NCAM1: variants seen among roughly 807,000 people sequenced by gnomAD.
NCAM1 encodes the protein neural cell adhesion molecule 1, also known as antigen recognized by monoclonal antibody 5.1H11.
NCAM1 carries 14 observed loss-of-function variants against 109.8 expected under a neutral mutation model. The ratio of observed to expected loss-of-function variants is 0.13; its 90% confidence interval spans 0.08 to 0.20. The LOEUF (loss-of-function observed/expected upper bound fraction) is 0.20, where lower values mean the gene tolerates loss of function less well. Ranked by LOEUF, NCAM1 falls within the 10% of genes least tolerant of loss-of-function variation. The pLI, the probability that NCAM1 is intolerant of heterozygous loss-of-function variation, is 1.00. For synonymous variants in NCAM1, 418 were observed against 442.9 expected, an observed-to-expected ratio of 0.94 and a Z score of 0.70; for missense variants, 774 against 1,109.9, an observed-to-expected ratio of 0.70 and a Z score of 4.30.
intron 8 of NCAM1, among the ~76,000 whole-genome samples, chr11:113,220,602 C>CTCTTTTTTTTTTTTT (rs1319361444): frequency 6.6e-5 from 5 of 75,584 alleles, no homozygotes; most frequent in African/African-American, 2.4e-4. Flanking sequence ...CTCTCTCTCT[C>CTCTTTTTTTTTTTTT]TTTTTTTTTT....
chr11:113,107,282 T>C (rs551806600), intron 1 of NCAM1, among the ~76,000 whole-genome samples: 9 of 152,322 alleles, frequency 5.9e-5, no homozygotes, highest in Admixed American at 5.2e-4. Flanking sequence ...GTATAGTCTC[T>C]GAAGGTTCTC....
chr11:113,275,336 G>A lies in NCAM1; in HGVS notation c.2526G>A (p.Lys842=), dbSNP rs782798294. 3 of 1,613,666 alleles carry A rather than the reference G, an allele frequency of 1.9e-6. No individual in the cohort carries two copies. In the East Asian group the frequency reaches 6.7e-5, roughly 36 times the overall value. The change falls in exon 20 of 20, where the codon AAG becomes AAA. Residue 842 remains lysine (K), a synonymous_variant. Transcript: ENST00000316851. The part of the protein sequence containing the change: ...TETKPAPAEV[K]TVPNDATQTK... Reference sequence around the variant, plus strand: ...CGAAGCCAGCGCCAGCCGAAGTCAAGACGGTCCCCAATGACGCCACACAGA... The same window carrying A: ...CGAAGCCAGCGCCAGCCGAAGTCAAAACGGTCCCCAATGACGCCACACAGA...
chr11:113,069,457 G>T (rs1591299377), intron 1 of NCAM1, among the ~76,000 whole-genome samples: 1 of 152,244 alleles, frequency 6.6e-6, no homozygotes, highest in African/African-American at 2.4e-5. Flanking sequence ...GTGACATACT[G>T]ATTAGGTTGC....
At chr11:113,199,088 A>G (rs952186826) in intron 1 of NCAM1, among the ~76,000 whole-genome samples, 2 of 152,186 alleles carry the variant, frequency 1.3e-5, no homozygotes, top group Admixed American at 6.5e-5. Flanking sequence ...ACCTAGGTTC[A>G]TAAGCACGTG....
chr11:113,115,243 C>T (rs139103714), intron 1 of NCAM1, among the ~76,000 whole-genome samples: 336 of 152,118 alleles, frequency 2.2e-3, no homozygotes, highest in African/African-American at 7.5e-3. Flanking sequence ...CATCATAAAA[C>T]GTACAAAACA....
chr11:113,118,957 T>A (rs1940827975), intron 1 of NCAM1, among the ~76,000 whole-genome samples: 1 of 151,952 alleles, frequency 6.6e-6, no homozygotes, highest in Non-Finnish European at 1.5e-5. Context: ...AAAAATGTTT[T>A]TGGAAAGAAA....
chr11:113,186,778 G>A (rs912382012), intron 1 of NCAM1, among the ~76,000 whole-genome samples: 11 of 152,216 alleles, frequency 7.2e-5, no homozygotes, highest in African/African-American at 2.4e-4. Flanking sequence ...CTCATGGAGT[G>A]TCCTAGCAAT....
At chr11:113,214,551 G>A (rs1051117750) in intron 8 of NCAM1, 40 bp downstream of exon 8, 2 of 1,564,702 alleles carry the variant, frequency 1.3e-6, no homozygotes, top group East Asian at 2.4e-5. Flanking sequence ...TTGGAATGCA[G>A]ACTCAAAGCA....
intron 1 of NCAM1, among the ~76,000 whole-genome samples, chr11:113,167,160 G>T (rs1373226765): frequency 6.6e-6 from 1 of 152,200 alleles, no homozygotes; most frequent in Non-Finnish European, 1.5e-5. Flanking sequence ...ACACCGATCT[G>T]CCAGTGTGAA....
At chr11:113,221,384 A>C in intron 9 of NCAM1, 59 bp downstream of exon 9, 1 of 1,516,224 alleles carries the variant, frequency 6.6e-7, no homozygotes, top group African/African-American at 1.4e-5. Context: ...AGTTTAACTC[A>C]CCATTGCAGT....
rs781994388 is a variant in NCAM1, at chr11:113,270,297, C to G, written c.2241C>G (p.Asn747Lys). The G allele has an allele frequency of 5.0e-6, 8 of 1,614,052 alleles. No homozygotes were observed. Among genetic ancestry groups the G allele is most frequent in the Middle Eastern group, 1.6e-4 (1 of 6,062 alleles). Residue 747 changes from asparagine (N) to lysine (K), a missense_variant, in exon 18 of 20, where the codon AAC becomes AAG. This residue lies in a region of NCAM1 where 523 missense variants were observed against 784.2 expected (regional missense o/e 0.67). Transcript: ENST00000316851. ...VVVDITCYFL[N>K]KCGLFMCIAV... Reference sequence around the variant, plus strand: ...TGGACATCACCTGCTACTTCCTGAACAAGTGTGGCCTGTTCATGTGCATTG... The same window carrying G: ...TGGACATCACCTGCTACTTCCTGAAGAAGTGTGGCCTGTTCATGTGCATTG...
chr11:113,039,264 T>C (rs1952994439), intron 1 of NCAM1, among the ~76,000 whole-genome samples: 1 of 152,226 alleles, frequency 6.6e-6, no homozygotes, highest in Non-Finnish European at 1.5e-5. Context: ...GGCGAGGTTT[T>C]TGTGCTCTTC....
chr11:113,195,910 G>GGTATGT (rs1943841430), intron 1 of NCAM1, among the ~76,000 whole-genome samples: 1 of 148,400 alleles, frequency 6.7e-6, no homozygotes, highest in African/African-American at 2.5e-5. Flanking sequence ...TTGTTTGCAG[G>GGTATGT]GTGTGTGTGT....
chr11:113,256,222 A>C (rs560112340), intron 16 of NCAM1, among the ~76,000 whole-genome samples: 1 of 152,304 alleles, frequency 6.6e-6, no homozygotes, highest in East Asian at 1.9e-4. Flanking sequence ...CTCATAGATG[A>C]CTGTGGTGGT....
chr11:113,104,370 T>G (rs1388386646), intron 1 of NCAM1, among the ~76,000 whole-genome samples: 1 of 152,000 alleles, frequency 6.6e-6, no homozygotes, highest in Non-Finnish European at 1.5e-5. Flanking sequence ...GAGGCTTTTT[T>G]TTTTCTATTA....
intron 1 of NCAM1, among the ~76,000 whole-genome samples, chr11:113,161,428 C>A (rs1045554782): frequency 6.6e-6 from 1 of 152,014 alleles, no homozygotes. Flanking sequence ...TCCAGGTGTT[C>A]ATAAGAGGCT....
At chr11:113,142,416 G>C (rs903251669) in intron 1 of NCAM1, among the ~76,000 whole-genome samples, 1 of 152,208 alleles carries the variant, frequency 6.6e-6, no homozygotes, top group Non-Finnish European at 1.5e-5. Context: ...TGTGTTCTCT[G>C]AGTATGTAAC....
intron 8 of NCAM1, among the ~76,000 whole-genome samples, chr11:113,220,555 G>A (rs1555115097): frequency 6.8e-6 from 1 of 147,220 alleles, no homozygotes; most frequent in Admixed American, 6.7e-5. Flanking sequence ...ATGATAAGCT[G>A]CCTTATAAAA....
intron 1 of NCAM1, among the ~76,000 whole-genome samples, chr11:113,062,937 C>T (rs1225944247): frequency 6.6e-6 from 1 of 152,136 alleles, no homozygotes; most frequent in African/African-American, 2.4e-5. Flanking sequence ...CACTGCACTC[C>T]AGCCTGGGCA....
Sources: gnomAD v4.1 joint callset for allele counts (sites outside exome capture counted in the v4.1 genomes callset) on GRCh38, gnomAD v4.1.1 for gene constraint, gnomAD v4.1.1 regional missense constraint, MANE v1.5 for transcripts, NCBI Gene and HGNC (gene_info 2026-07-23, HGNC 2026-07-21) for gene names.